Variants in TNIK observed in about 807,000 individuals in gnomAD.
TNIK encodes TRAF2 and NCK-interacting protein kinase.
In TNIK, 49 loss-of-function variants were observed where a neutral mutation model predicts 191.3. The observed-to-expected ratio is 0.26, with a 90% CI of 0.20 to 0.32. The LOEUF (loss-of-function observed/expected upper bound fraction) is 0.32, where lower values mean the gene tolerates loss of function less well. Ranked by LOEUF, TNIK falls within the 10% of genes least tolerant of loss-of-function variation. The pLI, the probability that TNIK is intolerant of heterozygous loss-of-function variation, is 1.00. For synonymous variants in TNIK, 594 were observed against 600.9 expected (o/e 0.99, Z 0.17); for missense variants, 1,155 against 1,702.3 (o/e 0.68, Z 5.66).
intron 1 of TNIK, among the ~76,000 whole-genome samples, chr3:171,453,401 A>C (rs890933985): frequency 6.6e-6 from 1 of 152,114 alleles, no homozygotes; most frequent in African/African-American, 2.4e-5. Context: ...TACAGAAAGG[A>C]GACTAAGACA....
chr3:171,204,888 A>T (rs994851972), intron 4 of TNIK, among the ~76,000 whole-genome samples: 1 of 152,200 alleles, frequency 6.6e-6, no homozygotes, highest in African/African-American at 2.4e-5. Context: ...GTTAGCTAGC[A>T]TGCTGGCTTC....
intron 1 of TNIK, among the ~76,000 whole-genome samples, chr3:171,395,423 C>A (rs563926339): frequency 2.6e-5 from 4 of 152,148 alleles, no homozygotes; most frequent in Non-Finnish European, 5.9e-5. Flanking sequence ...ACAGGCCCCT[C>A]AAAAATGGTC....
At position 171,110,950 on chromosome 3, in the gene TNIK, G is replaced by C. The variant is rs1725764641; in HGVS notation, c.2121-73C>G. The C allele has an allele frequency of 4.3e-6, 6 of 1,389,780 alleles. No individual in the cohort carries two copies. The East Asian group carries it at 1.3e-4, about 31-fold the overall frequency. 86.1% of individuals were successfully genotyped at this position (1,389,780 alleles called of 1,614,324 possible). On this transcript the variant is annotated intron_variant, in intron 18 of 32. Transcript: ENST00000436636. Reference sequence around the variant, plus strand: ...GTTTTGCAGATCACATATCTGATAAGGTTTAATACCCAAAATATGTAAGGA... The same window carrying C: ...GTTTTGCAGATCACATATCTGATAACGTTTAATACCCAAAATATGTAAGGA...
rs1341503779 is a variant in TNIK, at chr3:171,063,430, A to G, written c.*451T>C. On this transcript the variant is annotated 3_prime_UTR_variant, in exon 33 of 33. Transcript: ENST00000436636. ...GTCTCTCATCATTGGAAATTTTACA[A>G]CATACCATATACTTAAAACTAGTAG... 1 of 153,472 alleles carries G rather than the reference A, an allele frequency of 6.5e-6. No homozygotes were observed. Among genetic ancestry groups the G allele is most frequent in the East Asian group, 1.9e-4 (1 of 5,202 alleles). The allele number at this position is 153,472 out of a possible 1,614,324, so 9.5% of individuals were successfully genotyped here.
chr3:171,240,764 T>C (rs1744866496), intron 2 of TNIK, among the ~76,000 whole-genome samples: 1 of 152,212 alleles, frequency 6.6e-6, no homozygotes, highest in Non-Finnish European at 1.5e-5. Context: ...TCAACTCCAC[T>C]TTAACTCTTA....
chr3:171,435,570 GT>G (rs1232974098), intron 1 of TNIK, among the ~76,000 whole-genome samples: 1 of 152,138 alleles, frequency 6.6e-6, no homozygotes, highest in African/African-American at 2.4e-5. Context: ...ATTAAAAATA[GT>G]TTTTGCTTTG....
chr3:171,322,615 C>T (rs908595769), intron 2 of TNIK, among the ~76,000 whole-genome samples: 1 of 152,042 alleles, frequency 6.6e-6, no homozygotes, highest in African/African-American at 2.4e-5. Flanking sequence ...AACTTGAAAA[C>T]TTGGTCTACT....
chr3:171,268,991 G>T (rs980575821), intron 2 of TNIK, among the ~76,000 whole-genome samples: 2 of 152,120 alleles, frequency 1.3e-5, no homozygotes, highest in Admixed American at 6.5e-5. Context: ...ACCTTCTTTT[G>T]CAGAGTAATT....
At chr3:171,270,457 GA>G (rs1346089457) in intron 2 of TNIK, among the ~76,000 whole-genome samples, 1 of 152,176 alleles carries the variant, frequency 6.6e-6, no homozygotes, top group African/African-American at 2.4e-5. Context: ...AGGCCAGAGA[GA>G]AAATGCCTGG....
At chr3:171,177,068 AAAAC>A (rs1369200474) in intron 8 of TNIK, among the ~76,000 whole-genome samples, 3 of 152,148 alleles carry the variant, frequency 2.0e-5, no homozygotes, top group African/African-American at 7.2e-5. Context: ...CAGAATCTGT[AAAAC>A]AAACAAGACT....
intron 17 of TNIK, among the ~76,000 whole-genome samples, chr3:171,124,634 A>G (rs1490742831): frequency 6.6e-6 from 1 of 152,238 alleles, no homozygotes; most frequent in East Asian, 1.9e-4. Context: ...TCATTTTAAC[A>G]TAAAGATGAG....
chr3:171,232,282 C>T (rs184608142), intron 2 of TNIK, among the ~76,000 whole-genome samples: 5 of 151,132 alleles, frequency 3.3e-5, no homozygotes, highest in South Asian at 2.1e-4. Flanking sequence ...TCCAGGAGTT[C>T]GAGGCTGGCC....
chr3:171,106,866 GGCAAGTACAGGTTTGCTAT>G, intron 21 of TNIK: 1 of 510,938 alleles, frequency 2.0e-6, no homozygotes, highest in Non-Finnish European at 3.9e-6. Flanking sequence ...TAGCAAGGCT[GGCAAGTACAGGTTTGCTAT>G]TGGAAGATAC....
intron 2 of TNIK, among the ~76,000 whole-genome samples, chr3:171,337,379 AAG>A (rs748193489): frequency 6.6e-6 from 1 of 152,248 alleles, no homozygotes; most frequent in Non-Finnish European, 1.5e-5. Flanking sequence ...GAGAAAGCAA[AAG>A]ACCTCAGATA....
At chr3:171,130,509 A>G (rs1431882969) in intron 15 of TNIK, among the ~76,000 whole-genome samples, 5 of 152,228 alleles carry the variant, frequency 3.3e-5, no homozygotes, top group Non-Finnish European at 5.9e-5. Flanking sequence ...GAAGTATTAC[A>G]TCAGCAATAA....
rs73030909 is a variant in TNIK at position 171,272,103 on chromosome 3, G to A, written c.124-43882C>T. Among the ~76,000 whole-genome samples, 318 of 152,300 alleles carry A rather than the reference G, an allele frequency of 2.1e-3. 1 individual carries two copies. Among genetic ancestry groups the A allele is most frequent in the African/African-American group, 7.3e-3 (303 of 41,570 alleles). On this transcript the variant is annotated intron_variant, in intron 2 of 32. Transcript: ENST00000436636. ...GGTAAAGGCACTACGTGATGACAGC[G>A]AGAGAAAAGAATAGACAAACTAGCT...
intron 13 of TNIK, among the ~76,000 whole-genome samples, chr3:171,139,989 T>C (rs1229319517): frequency 6.6e-6 from 1 of 152,228 alleles, no homozygotes; most frequent in Non-Finnish European, 1.5e-5. Context: ...AGTTTCACTA[T>C]GCTGTAAGAA....
intron 2 of TNIK, among the ~76,000 whole-genome samples, chr3:171,323,470 C>G (rs752306747): frequency 1.3e-5 from 2 of 152,198 alleles, no homozygotes; most frequent in Non-Finnish European, 2.9e-5. Context: ...GCCCTAGAAT[C>G]TAATTCATTC....
chr3:171,425,797 C>A (rs1394547532), intron 1 of TNIK, among the ~76,000 whole-genome samples: 3 of 143,820 alleles, frequency 2.1e-5, no homozygotes, highest in African/African-American at 7.9e-5. Flanking sequence ...CACTGTACTA[C>A]AGCCTGGGTG....
Sources: gnomAD v4.1 joint callset for allele counts (sites outside exome capture counted in the v4.1 genomes callset) on GRCh38, gnomAD v4.1.1 for gene constraint, MANE v1.5 for transcripts, NCBI Gene and HGNC (gene_info 2026-07-23, HGNC 2026-07-21) for gene names.